COL6A6: variants seen among roughly 807,000 people sequenced by gnomAD.
The protein encoded by COL6A6 is collagen type VI alpha 6 chain.
A neutral mutation model predicts 208.6 loss-of-function variants in COL6A6; 183 were observed. The observed-to-expected ratio is 0.88, with a 90% CI of 0.78 to 0.99. The LOEUF (loss-of-function observed/expected upper bound fraction) is 0.99. Among genes scored for constraint, COL6A6 ranks in the 50% least tolerant of loss-of-function variants. The probability of loss-of-function intolerance (pLI) is 0.00; values close to 1 mark genes in which losing one functional copy is unlikely to be tolerated. For missense variants in COL6A6, 2,816 were observed against 2,815.2 expected (o/e 1.00, Z -0.01); for synonymous variants, 973 against 1,011.8 (o/e 0.96, Z 0.73).
Position 130,540,465 on chromosome 3 carries a change from T to TACAC in COL6A6, c.-31-19866_-31-19865insCACA, listed in dbSNP as rs60236428. On this transcript the variant is annotated intron_variant, in intron 1 of 36. Transcript: ENST00000358511. ...TAGTATCAGAATGATTTCACTGACC[T>TACAC]ACAGATCCTTTGTGCTCTGCCCTTT... Among the ~76,000 whole-genome samples the TACAC allele has an allele frequency of 6.0e-3, 911 of 152,070 alleles. 4 individuals are homozygous for TACAC. Among genetic ancestry groups the TACAC allele is most frequent in the African/African-American group, 0.02 (814 of 41,456 alleles).
At chr3:130,638,187 C>T (rs2065210904) in intron 28 of COL6A6, among the ~76,000 whole-genome samples, 1 of 151,802 alleles carries the variant, frequency 6.6e-6, no homozygotes. Flanking sequence ...TCCTTCTCCC[C>T]AGAAACAACA....
chr3:130,593,423 C>T (rs935355776), intron 17 of COL6A6, among the ~76,000 whole-genome samples, 171 bp downstream of exon 17: 5 of 152,120 alleles, frequency 3.3e-5, no homozygotes, highest in Non-Finnish European at 7.4e-5. Flanking sequence ...GGGGTTCAGC[C>T]GATTGAGGCT....
At chr3:130,588,996 C>T (rs2063608699) in intron 11 of COL6A6, 94 bp from the exon 12 acceptor site, 2 of 648,942 alleles carry the variant, frequency 3.1e-6, no homozygotes, top group Non-Finnish European at 4.9e-6. Flanking sequence ...GCTTCTGAAA[C>T]TGTGGTAGAA....
chr3:130,610,749 C>G (rs775660294), intron 23 of COL6A6, 38 bp downstream of exon 23: 1 of 1,451,806 alleles, frequency 6.9e-7, no homozygotes. Context: ...TGACTTTGAT[C>G]TTGGCTTGAT....
rs1348324819 is a variant in COL6A6, at chr3:130,555,490, G to C, written c.-31-4844G>C. Among the ~76,000 whole-genome samples the C allele has an allele frequency of 7.9e-5, 12 of 152,224 alleles. No individual in the cohort carries two copies. In the South Asian group the frequency reaches 1.7e-3, roughly 21 times the overall value. On this transcript the variant is annotated intron_variant, in intron 1 of 36. Coordinates refer to ENST00000358511, the MANE Select transcript of COL6A6 (RefSeq NM_001102608.3). ...GCTAACAAATGATCCCCTGGCTACGGCTAGTCTGCCATCTTGCCCCCTGTC... is the reference window on the plus strand; with the variant it reads ...GCTAACAAATGATCCCCTGGCTACGCCTAGTCTGCCATCTTGCCCCCTGTC...
At chr3:130,597,118 A>G (rs1417174917) in intron 18 of COL6A6, among the ~76,000 whole-genome samples, 1 of 152,208 alleles carries the variant, frequency 6.6e-6, no homozygotes, top group East Asian at 1.9e-4. Flanking sequence ...AGGGGCTTTT[A>G]TGTCCAGTGA....
At position 130,517,221 on chromosome 3, in the gene COL6A6, C is replaced by T. The variant is rs1158085263; in HGVS notation, c.-208C>T. On this transcript the variant is annotated 5_prime_UTR_variant, in exon 1 of 37. The change creates a new upstream start codon in the 5' untranslated region. Coordinates refer to ENST00000358511, the MANE Select transcript of COL6A6 (RefSeq NM_001102608.3). ...GACACCGGAGTCAAGAGGCTGCCCA[C>T]GCCGCTGCCTGTCCGTTCCACGGTT... 6.6e-6 allele frequency among the ~76,000 whole-genome samples: 1 copy of T among 152,228 alleles called. No individual in the cohort carries two copies. Among genetic ancestry groups the T allele is most frequent in the South Asian group, 2.1e-4 (1 of 4,826 alleles).
intron 8 of COL6A6, among the ~76,000 whole-genome samples, chr3:130,579,545 T>C (rs148473072): frequency 5.3e-4 from 80 of 152,328 alleles, no homozygotes; most frequent in Non-Finnish European, 8.1e-4. Context: ...TTACTTCTCT[T>C]ATCACCCTCT....
Position 130,594,286 on chromosome 3 carries a change from C to G in COL6A6, c.4476C>G (p.Ser1492Arg). The change falls in exon 18 of 37, where the codon AGC (serine) becomes AGG (arginine). Residue 1492 changes from serine (S) to arginine (R), a missense_variant. Ser to Arg is a moderately radical substitution (Grantham distance 110). Transcript: ENST00000358511. The stretch of plus-strand genomic sequence containing the variant: ...CTGATTTGTATTAACTTTAGGGAAG[C>G]CCAGGGAAGAGAGGGACTCCTGGTG... ...GEKGDEGSQG[S>R]PGKRGTPGDR... 1 of 1,611,510 alleles carries G rather than the reference C, an allele frequency of 6.2e-7. No individual in the cohort carries two copies. The highest frequency in any genetic ancestry group is 8.5e-7 in the Non-Finnish European group (1 of 1,177,982).
intron 8 of COL6A6, among the ~76,000 whole-genome samples, chr3:130,580,290 TGAA>T (rs1345174919): frequency 7.9e-5 from 12 of 152,348 alleles, no homozygotes; most frequent in Admixed American, 3.3e-4. Flanking sequence ...TATTTTCTGA[TGAA>T]GAAGAGATTT....
intron 1 of COL6A6, among the ~76,000 whole-genome samples, chr3:130,534,773 T>C (rs1436441012): frequency 8.5e-5 from 13 of 152,196 alleles, no homozygotes; most frequent in Non-Finnish European, 2.9e-5. Context: ...TTTACCTACA[T>C]TCAAATTATT....
At chr3:130,584,883 G>A (rs1449749510) in intron 10 of COL6A6, among the ~76,000 whole-genome samples, 1 of 152,022 alleles carries the variant, frequency 6.6e-6, no homozygotes, top group Non-Finnish European at 1.5e-5. Flanking sequence ...CAGAGTGATG[G>A]GATTACAGGT....
Position 130,574,013 on chromosome 3 carries a change from A to G in COL6A6, c.3035A>G (p.Gln1012Arg), listed in dbSNP as rs2063231498. The change falls in exon 8 of 37, where the codon CAG (glutamine) becomes CGG (arginine). Residue 1012 changes from glutamine (Q) to arginine (R), a missense_variant. By Grantham distance (43) the Gln-to-Arg change is conservative. Transcript: ENST00000358511. ...VFLMDGSTSI[Q>R]PNDFKKMKEF... ...CTTATGGATGGTTCAACTAGCATTC[A>G]GCCAAATGACTTCAAGAAAATGAAG... is the stretch of plus-strand genomic sequence containing the variant. 1 of 1,613,818 alleles carries G rather than the reference A, an allele frequency of 6.2e-7. No homozygotes were observed. The highest frequency in any genetic ancestry group is 8.5e-7 in the Non-Finnish European group (1 of 1,179,730).
In COL6A6 at chr3:130,556,088, A is replaced by T. The variant is rs146700791; in HGVS notation, c.-31-4246A>T. ...GACTATTATTCCATACTCTGTGTCC[A>T]TGGGTACACTCTATTTAGCTCCTAC... On this transcript the variant is annotated intron_variant, in intron 1 of 36. Transcript: ENST00000358511. Among the ~76,000 whole-genome samples, 1,025 of 152,212 alleles carry T rather than the reference A, an allele frequency of 6.7e-3. 11 individuals carry two copies. The highest frequency in any genetic ancestry group is 0.023 in the African/African-American group (972 of 41,532).
chr3:130,645,583 T>C (rs564693040), intron 32 of COL6A6, among the ~76,000 whole-genome samples: 67 of 152,186 alleles, frequency 4.4e-4, no homozygotes, highest in African/African-American at 1.4e-3. Flanking sequence ...TGGCCAAAAA[T>C]AGTATTTCTT....
In COL6A6 at chr3:130,655,393, C is replaced by A. The variant is rs569506727; in HGVS notation, c.5734-3283C>A. 2.2e-4 allele frequency among the ~76,000 whole-genome samples: 33 copies of A among 152,264 alleles called. No individual in the cohort carries two copies. The South Asian group carries it at 6.7e-3, about 31-fold the overall frequency. On this transcript the variant is annotated intron_variant, in intron 33 of 36. Coordinates refer to ENST00000358511, the MANE Select transcript of COL6A6 (RefSeq NM_001102608.3). ...GGACCCAGTCCAGCTTCTGCCTGACCCAGTCAGACATCTGAGGCCTCTAAT... is the reference window on the plus strand; with the variant it reads ...GGACCCAGTCCAGCTTCTGCCTGACACAGTCAGACATCTGAGGCCTCTAAT...
Position 130,643,134 on chromosome 3 carries a change from T to G in COL6A6, c.5227+111T>G, listed in dbSNP as rs530230099. 55 of 1,100,932 alleles carry G rather than the reference T, an allele frequency of 5.0e-5. 1 individual carries two copies. In the South Asian group the frequency reaches 6.9e-4, roughly 14 times the overall value. The allele number at this position is 1,100,932 out of a possible 1,614,324, so 68.2% of individuals were successfully genotyped here. On this transcript the variant is annotated intron_variant, in intron 31 of 36. Coordinates refer to ENST00000358511, the MANE Select transcript of COL6A6 (RefSeq NM_001102608.3). ...CCAGCCAATTTCTTAAAATTGGAGATGTCACTGCATGTATTTTTGAGTCAG... is the reference window on the plus strand; with the variant it reads ...CCAGCCAATTTCTTAAAATTGGAGAGGTCACTGCATGTATTTTTGAGTCAG...
chr3:130,585,178 A>T (rs180939798), intron 10 of COL6A6, among the ~76,000 whole-genome samples: 1 of 152,220 alleles, frequency 6.6e-6, no homozygotes, highest in African/African-American at 2.4e-5. Flanking sequence ...AAATGTTGCC[A>T]GTGGAGTAAG....
intron 33 of COL6A6, among the ~76,000 whole-genome samples, chr3:130,656,778 G>T (rs115828810): frequency 1.3e-4 from 20 of 152,204 alleles, no homozygotes; most frequent in African/African-American, 4.6e-4. Flanking sequence ...ACTCCCTCTC[G>T]TGCTTGTTAG....
Sources: gnomAD v4.1 joint callset for allele counts (sites outside exome capture counted in the v4.1 genomes callset) on GRCh38, gnomAD v4.1.1 for gene constraint, MANE v1.5 for transcripts, NCBI Gene and HGNC (gene_info 2026-07-23, HGNC 2026-07-21) for gene names.